LRRTM4: variants seen among roughly 807,000 people sequenced by gnomAD.
LRRTM4 encodes leucine rich repeat transmembrane neuronal 4, also known as leucine-rich repeat transmembrane neuronal protein 4.
Under a neutral mutation model 47.6 loss-of-function variants are expected in LRRTM4, and 25 were observed. The observed-to-expected ratio is 0.53, with a 90% CI of 0.38 to 0.73. The LOEUF (loss-of-function observed/expected upper bound fraction) is 0.73. Ranked by LOEUF, LRRTM4 falls within the 30% of genes least tolerant of loss-of-function variation. LRRTM4 has a pLI of 0.00. For synonymous variants in LRRTM4, 311 were observed against 269.5 expected, an observed-to-expected ratio of 1.15 and a Z score of -1.51; for missense variants, 638 against 713.4, an observed-to-expected ratio of 0.89 and a Z score of 1.20.
At chr2:77,094,731 T>C (rs1409912412) in intron 3 of LRRTM4, among the ~76,000 whole-genome samples, 1 of 152,072 alleles carries the variant, frequency 6.6e-6, no homozygotes, top group Non-Finnish European at 1.5e-5. Context: ...ATATCCAGAA[T>C]CAAAAGAATG....
intron 3 of LRRTM4, among the ~76,000 whole-genome samples, chr2:77,056,367 A>G (rs1442753751): frequency 6.6e-6 from 1 of 152,156 alleles, no homozygotes; most frequent in African/African-American, 2.4e-5. Context: ...TAGCACCTCT[A>G]TACATCAAGA....
intron 3 of LRRTM4, among the ~76,000 whole-genome samples, chr2:76,811,475 G>C (rs1462281228): frequency 6.6e-6 from 1 of 152,150 alleles, no homozygotes; most frequent in Non-Finnish European, 1.5e-5. Flanking sequence ...GAATTCAGAG[G>C]TGGCAGCCAG....
At chr2:76,779,039 A>T (rs144279678) in intron 3 of LRRTM4, among the ~76,000 whole-genome samples, 80,798 of 120,308 alleles carry the variant, frequency 0.67, 28,200 homozygotes, top group African/African-American at 0.84. Flanking sequence ...ATTCAGGAGC[A>T]GGTTGTTCAG....
At chr2:77,427,954 C>A (rs1394408976) in intron 3 of LRRTM4, among the ~76,000 whole-genome samples, 1 of 152,150 alleles carries the variant, frequency 6.6e-6, no homozygotes, top group Non-Finnish European at 1.5e-5. Context: ...GTTCCCATAA[C>A]TTTCACATGC....
chr2:76,825,630 T>C (rs1383450868), intron 3 of LRRTM4, among the ~76,000 whole-genome samples: 2 of 151,582 alleles, frequency 1.3e-5, no homozygotes, highest in African/African-American at 2.4e-5. Context: ...TAAATAGAGA[T>C]GTCAAGTAGA....
intron 3 of LRRTM4, among the ~76,000 whole-genome samples, chr2:76,777,124 G>A (rs1454391095): frequency 6.7e-6 from 1 of 149,522 alleles, no homozygotes; most frequent in Non-Finnish European, 1.5e-5. Flanking sequence ...CTATATCTCT[G>A]TTTTGGTACC....
At chr2:76,855,339 A>C (rs1672117961) in intron 3 of LRRTM4, among the ~76,000 whole-genome samples, 1 of 152,244 alleles carries the variant, frequency 6.6e-6, no homozygotes, top group African/African-American at 2.4e-5. Context: ...CTTACTGATA[A>C]TCCTTCAACA....
chr2:76,923,174 A>G (rs1394921839), intron 3 of LRRTM4, among the ~76,000 whole-genome samples: 1 of 152,064 alleles, frequency 6.6e-6, no homozygotes, highest in African/African-American at 2.4e-5. Flanking sequence ...ATGAAATTAA[A>G]AAGAGATAGG....
At chr2:77,344,729 C>T (rs184167653) in intron 3 of LRRTM4, among the ~76,000 whole-genome samples, 58 of 151,814 alleles carry the variant, frequency 3.8e-4, no homozygotes, top group African/African-American at 1.4e-3. Context: ...GCAAATAAGT[C>T]TATGCTGAGT....
chr2:76,828,637 C>A (rs146115158), intron 3 of LRRTM4, among the ~76,000 whole-genome samples: 2 of 151,986 alleles, frequency 1.3e-5, no homozygotes, highest in Admixed American at 6.6e-5. Flanking sequence ...CTAAATTTTT[C>A]TTTGTGTTTT....
chr2:76,968,385 C>CT (rs1676108069), intron 3 of LRRTM4, among the ~76,000 whole-genome samples: 1 of 79,632 alleles, frequency 1.3e-5, no homozygotes, highest in Non-Finnish European at 2.8e-5. Context: ...TATATATATA[C>CT]ACATACATAC....
intron 3 of LRRTM4, among the ~76,000 whole-genome samples, chr2:77,122,385 C>A (rs1671541242): frequency 6.6e-6 from 1 of 150,852 alleles, no homozygotes; most frequent in Non-Finnish European, 1.5e-5. Flanking sequence ...TTCAAGAAAA[C>A]CTACATGTTG....
intron 3 of LRRTM4, among the ~76,000 whole-genome samples, chr2:77,265,586 A>G (rs191989228): frequency 1.0e-3 from 152 of 152,204 alleles, no homozygotes; most frequent in South Asian, 9.7e-3. Context: ...TAAATTATCC[A>G]TCTGTGGCAT....
At chr2:77,504,206 C>T (rs1678681337) in intron 3 of LRRTM4, among the ~76,000 whole-genome samples, 1 of 151,274 alleles carries the variant, frequency 6.6e-6, no homozygotes, top group Non-Finnish European at 1.5e-5. Flanking sequence ...AGACTGCCAC[C>T]ATTTTTTTTG....
chr2:76,792,110 G>A (rs1407692924), intron 3 of LRRTM4, among the ~76,000 whole-genome samples: 1 of 150,794 alleles, frequency 6.6e-6, no homozygotes, highest in Admixed American at 6.6e-5. Flanking sequence ...CATAGTTAGA[G>A]AAATAGAGTT....
intron 3 of LRRTM4, among the ~76,000 whole-genome samples, chr2:77,138,947 C>G (rs917182884): frequency 6.6e-6 from 1 of 152,056 alleles, no homozygotes; most frequent in African/African-American, 2.4e-5. Context: ...CTTGAATAGA[C>G]CAATAATAGG....
chr2:77,160,784 A>G (rs1440068955), intron 3 of LRRTM4, among the ~76,000 whole-genome samples: 2 of 152,182 alleles, frequency 1.3e-5, no homozygotes, highest in African/African-American at 2.4e-5. Flanking sequence ...CCCTCATAAA[A>G]TTAAAGGAGG....
intron 3 of LRRTM4, among the ~76,000 whole-genome samples, chr2:77,288,730 A>G (rs1676732630): frequency 6.6e-6 from 1 of 152,082 alleles, no homozygotes; most frequent in African/African-American, 2.4e-5. Context: ...TACCTATGTA[A>G]TGCTTAGGAA....
At chr2:77,106,193 A>T (rs970799684) in intron 3 of LRRTM4, among the ~76,000 whole-genome samples, 1 of 152,066 alleles carries the variant, frequency 6.6e-6, no homozygotes, top group South Asian at 2.1e-4. Context: ...TTATCATGAC[A>T]CTCTAAATGA....
Sources: allele counts gnomAD v4.1 joint callset (sites outside exome capture counted in the v4.1 genomes callset), GRCh38; gene constraint gnomAD v4.1.1; transcripts MANE v1.5; gene names NCBI Gene and HGNC (gene_info 2026-07-23, HGNC 2026-07-21).